Variants in XYLT1 observed in about 807,000 individuals in gnomAD.
XYLT1 encodes xylosyltransferase 1, also known as beta-D-xylosyltransferase 1.
Under a neutral mutation model 91.3 loss-of-function variants are expected in XYLT1, and 36 were observed. The ratio of observed to expected loss-of-function variants is 0.39; its 90% CI spans 0.30 to 0.52. XYLT1 has a LOEUF of 0.52. Among genes scored for constraint, XYLT1 ranks in the 20% least tolerant of loss-of-function variants. The probability of loss-of-function intolerance (pLI) is 0.68; values close to 1 mark genes in which losing one functional copy is unlikely to be tolerated. For missense variants in XYLT1, 1,242 were observed against 1,284.5 expected (o/e 0.97, Z 0.51); for synonymous variants, 588 against 532.0 (o/e 1.11, Z -1.45).
intron 2 of XYLT1, among the ~76,000 whole-genome samples, chr16:17,328,094 C>G (rs2034840061): frequency 1.3e-5 from 2 of 152,244 alleles, no homozygotes; most frequent in South Asian, 4.1e-4. Context: ...CTCCCTTTCA[C>G]AGAGCTCGGC....
At chr16:17,232,450 C>CATATAT (rs5815943) in intron 3 of XYLT1, among the ~76,000 whole-genome samples, 2 of 113,260 alleles carry the variant, frequency 1.8e-5, no homozygotes, top group Admixed American at 2.0e-4. Flanking sequence ...TATATATATA[C>CATATAT]ATATATATAT....
chr16:17,232,062 G>A (rs543578578), intron 3 of XYLT1, among the ~76,000 whole-genome samples: 19 of 147,214 alleles, frequency 1.3e-4, no homozygotes, highest in African/African-American at 4.5e-4. Context: ...TGGTGGTCCC[G>A]TAAGATATTA....
intron 6 of XYLT1, among the ~76,000 whole-genome samples, chr16:17,148,542 C>T (rs906911923): frequency 6.6e-6 from 1 of 152,144 alleles, no homozygotes; most frequent in African/African-American, 2.4e-5. Flanking sequence ...AGAAGGGTAA[C>T]AGCCACACCT....
chr16:17,330,135 A>ACACACACACACACACG (rs1417509847), intron 2 of XYLT1, among the ~76,000 whole-genome samples: 2 of 151,932 alleles, frequency 1.3e-5, no homozygotes, highest in East Asian at 3.9e-4. Flanking sequence ...ACACACACAC[A>ACACACACACACACACG]CAGCTGTCAG....
At chr16:17,217,656 G>T (rs2032885066) in intron 3 of XYLT1, among the ~76,000 whole-genome samples, 1 of 152,184 alleles carries the variant, frequency 6.6e-6, no homozygotes, top group Non-Finnish European at 1.5e-5. Flanking sequence ...AACCAGTGTT[G>T]AATCTGTATT....
chr16:17,346,546 TAAAAATTTA>T (rs1402469047), intron 2 of XYLT1, among the ~76,000 whole-genome samples: 4 of 152,120 alleles, frequency 2.6e-5, no homozygotes, highest in Non-Finnish European at 4.4e-5. Flanking sequence ...TTCCCCTCTC[TAAAAATTTA>T]AAAAATTTAA....
chr16:17,343,345 C>T (rs1051574172), intron 2 of XYLT1, among the ~76,000 whole-genome samples: 1 of 152,228 alleles, frequency 6.6e-6, no homozygotes, highest in Admixed American at 6.5e-5. Flanking sequence ...TCACGGCACC[C>T]AGTGCCTGCT....
intron 1 of XYLT1, among the ~76,000 whole-genome samples, chr16:17,406,490 C>A (rs531703003): frequency 6.6e-6 from 1 of 152,194 alleles, no homozygotes; most frequent in Admixed American, 6.5e-5. Context: ...CTAAACTAGA[C>A]TAAGTTGGTT....
At chr16:17,358,795 T>A (rs2035341575) in intron 1 of XYLT1, among the ~76,000 whole-genome samples, 2 of 152,136 alleles carry the variant, frequency 1.3e-5, no homozygotes, top group Admixed American at 6.5e-5. Context: ...AAGGCCATCA[T>A]CAATTTGTGT....
intron 9 of XYLT1, among the ~76,000 whole-genome samples, chr16:17,132,661 G>A (rs117539822): frequency 6.6e-6 from 1 of 152,192 alleles, no homozygotes; most frequent in Non-Finnish European, 1.5e-5. Flanking sequence ...TCAGCACTTA[G>A]GGAGGCTGAA....
intron 1 of XYLT1, among the ~76,000 whole-genome samples, chr16:17,432,537 T>C (rs780629509): frequency 2.0e-5 from 3 of 152,156 alleles, no homozygotes; most frequent in Admixed American, 6.5e-5. Context: ...TGGACTCCGA[T>C]TGGCATAAGG....
intron 1 of XYLT1, among the ~76,000 whole-genome samples, chr16:17,423,950 T>G (rs891482585): frequency 6.6e-6 from 1 of 152,134 alleles, no homozygotes; most frequent in Non-Finnish European, 1.5e-5. Flanking sequence ...GCAATTCTCA[T>G]AGTATAAGCA....
chr16:17,297,994 C>G (rs1185735850), intron 2 of XYLT1, among the ~76,000 whole-genome samples: 1 of 151,008 alleles, frequency 6.6e-6, no homozygotes, highest in Middle Eastern at 3.2e-3. Flanking sequence ...GCACTCCAGC[C>G]TGGGCGACGA....
Position 17,325,211 on chromosome 16 carries a change from A to C in XYLT1, c.402+32801T>G, listed in dbSNP as rs559104658. ...TCAGGAGTTCGAGACCAGTCTGGCC[A>C]ACATGGTGAAACCCTGTCTCTACTA... On this transcript the variant is annotated intron_variant, in intron 2 of 11. Coordinates refer to ENST00000261381, the MANE Select transcript of XYLT1 (RefSeq NM_022166.4). 1.8e-4 allele frequency among the ~76,000 whole-genome samples: 28 copies of C among 152,300 alleles called. No homozygotes were observed. In the Middle Eastern group the frequency reaches 0.01, roughly 56 times the overall value.
chr16:17,293,407 C>T lies in XYLT1; in HGVS notation c.403-33909G>A, dbSNP rs907077809. ...AGGGACAGTGGTACCAATTAAATAA[C>T]GTGACACTTTGGAGGTGTAAAGCTA... On this transcript the variant is annotated intron_variant, in intron 2 of 11. Transcript: ENST00000261381. Among the ~76,000 whole-genome samples, 7 of 151,256 alleles carry T rather than the reference C, an allele frequency of 4.6e-5. No homozygotes were observed. The South Asian group carries it at 6.3e-4, about 14-fold the overall frequency.
At chr16:17,233,850 T>TA (rs1242672243) in intron 3 of XYLT1, among the ~76,000 whole-genome samples, 2 of 152,136 alleles carry the variant, frequency 1.3e-5, no homozygotes, top group Admixed American at 1.3e-4. Context: ...TGACGCTTGC[T>TA]ATAAATACCA....
chr16:17,335,311 T>C (rs1169595227), intron 2 of XYLT1, among the ~76,000 whole-genome samples: 3 of 151,808 alleles, frequency 2.0e-5, no homozygotes, highest in Non-Finnish European at 4.4e-5. Context: ...GCCCCTTTTA[T>C]TGGTGAGAAA....
chr16:17,345,806 T>TA (rs34177957), intron 2 of XYLT1, among the ~76,000 whole-genome samples: 66,688 of 151,906 alleles, frequency 0.44, 14,851 homozygotes, highest in Admixed American at 0.48. Context: ...CTTCAACCGT[T>TA]TTTATTTATT....
chr16:17,449,784 T>C (rs1475007913), intron 1 of XYLT1, among the ~76,000 whole-genome samples: 1 of 152,208 alleles, frequency 6.6e-6, no homozygotes, highest in Non-Finnish European at 1.5e-5. Context: ...GGTGAGGAGC[T>C]GACAAGAACC....
Sources: allele counts gnomAD v4.1 joint callset (sites outside exome capture counted in the v4.1 genomes callset), GRCh38; gene constraint gnomAD v4.1.1; transcripts MANE v1.5; gene names NCBI Gene and HGNC (gene_info 2026-07-23, HGNC 2026-07-21).